Variants in AOPEP observed in about 807,000 individuals in gnomAD.
The protein encoded by AOPEP is aminopeptidase O (putative), also known as aminopeptidase O.
AOPEP carries 77 observed loss-of-function variants against 98.1 expected under a neutral mutation model. The ratio of observed to expected loss-of-function variants is 0.78; its 90% confidence interval spans 0.65 to 0.95. The LOEUF is 0.95. Ranked by LOEUF, AOPEP falls within the 40% of genes least tolerant of loss-of-function variation. The pLI, the probability that AOPEP is intolerant of heterozygous loss-of-function variation, is 0.00. For missense variants in AOPEP, 1,024 were observed against 1,024.7 expected, an observed-to-expected ratio of 1.00 and a Z score of 0.01; for synonymous variants, 346 against 365.3, an observed-to-expected ratio of 0.95 and a Z score of 0.60.
At chr9:95,118,984 C>T in the AOPEP span, among the ~76,000 whole-genome samples, 1 of 152,192 alleles carries the variant, frequency 6.6e-6, no homozygotes, top group African/African-American at 2.4e-5. Context: ...ATCGTAAGGC[C>T]ATATGGTTTT....
rs73654512 is a variant in AOPEP, at chr9:95,086,507, C to T, written c.*5-175C>T. 3.4e-3 allele frequency: 3,376 copies of T among 985,342 alleles called. 91 individuals are homozygous for T. The African/African-American group carries it at 0.054, about 16-fold the overall frequency. The allele number at this position is 985,342 out of a possible 1,614,324, so 61.0% of individuals were successfully genotyped here. ...TCATGGCCACGTGTGAGCAGGCCAG[C>T]GTCACACGGCTCGCTGTGACCCGTC... On this transcript the variant is annotated intron_variant, in intron 16 of 16. Transcript: ENST00000375315.
In AOPEP at chr9:94,759,887, A is replaced by G. The variant is rs1328041549; in HGVS notation, c.104A>G (p.Glu35Gly). 1 of 1,614,172 alleles carries G rather than the reference A, an allele frequency of 6.2e-7. No individual in the cohort carries two copies. Among genetic ancestry groups the G allele is most frequent in the Admixed American group, 1.7e-5 (1 of 60,024 alleles). ...GTACTGGATTTGGATGTGGATTTTG[A>G]AAGTCAAGTCATTGAGGGGACCATA... is the stretch of plus-strand genomic sequence containing the variant. ...HYVLDLDVDFESQVIEGTIVL... is the reference protein window; with the variant it reads ...HYVLDLDVDFGSQVIEGTIVL... Residue 35 changes from glutamate (E) to glycine (G), a missense_variant, in exon 2 of 17, where the codon GAA becomes GGA. Glu to Gly is a moderately conservative substitution (Grantham distance 98, BLOSUM62 -2). Around this residue, in one of 3 missense-constraint regions of AOPEP, gnomAD observed 440 missense variants for 433.8 expected, o/e 1.01. Transcript: ENST00000375315.
the AOPEP span, among the ~76,000 whole-genome samples, chr9:95,105,715 A>C: frequency 2.6e-5 from 4 of 152,108 alleles, no homozygotes; most frequent in Non-Finnish European, 5.9e-5. Flanking sequence ...CAGGTGCCTC[A>C]CCTAAGTGAC....
downstream of AOPEP, among the ~76,000 whole-genome samples, chr9:95,089,297 G>C (rs1283951596): frequency 6.6e-6 from 1 of 152,236 alleles, no homozygotes; most frequent in Non-Finnish European, 1.5e-5. Flanking sequence ...AACTAGCTCA[G>C]ATCAAAGGGC....
chr9:95,005,655 TA>T, intron 13 of AOPEP, 39 bp downstream of exon 13: 1 of 1,550,618 alleles, frequency 6.4e-7, no homozygotes, highest in Non-Finnish European at 8.9e-7. Context: ...CAGGTCTTGG[TA>T]AATCCGCTTC....
chr9:94,951,583 C>T (rs1002133088), intron 7 of AOPEP, among the ~76,000 whole-genome samples: 9 of 152,160 alleles, frequency 5.9e-5, no homozygotes, highest in Non-Finnish European at 8.8e-5. Context: ...AACCAGGAAA[C>T]GTTAGCTGTT....
the AOPEP span, among the ~76,000 whole-genome samples, chr9:95,098,711 T>C: frequency 4.6e-5 from 7 of 152,148 alleles, no homozygotes; most frequent in Non-Finnish European, 1.0e-4. Context: ...GCTATGCTGG[T>C]GGGACGAGGC....
chr9:94,798,570 G>C (rs1253079102), intron 4 of AOPEP, among the ~76,000 whole-genome samples: 2 of 152,146 alleles, frequency 1.3e-5, no homozygotes, highest in Non-Finnish European at 2.9e-5. Flanking sequence ...TATTTAGAGA[G>C]ACCATTAGAA....
At chr9:95,091,797 G>A (rs1243015619), downstream of AOPEP, among the ~76,000 whole-genome samples, 6 of 152,162 alleles carry the variant, frequency 3.9e-5, no homozygotes, top group East Asian at 5.8e-4. Context: ...GCCGGCAGCC[G>A]AGCCTGGGGT....
the AOPEP span, among the ~76,000 whole-genome samples, chr9:95,094,156 G>A: frequency 6.6e-6 from 1 of 152,018 alleles, no homozygotes; most frequent in African/African-American, 2.4e-5. Flanking sequence ...GTGGTTGTTG[G>A]CTGTCGCATC....
the AOPEP span, among the ~76,000 whole-genome samples, chr9:95,141,206 G>A: frequency 6.6e-6 from 1 of 151,420 alleles, no homozygotes; most frequent in Non-Finnish European, 1.5e-5. Flanking sequence ...CAGCCACTCG[G>A]GAGGCTGAGG....
intron 13 of AOPEP, chr9:95,056,583 G>A (rs887805951): frequency 6.6e-6 from 1 of 152,132 alleles, no homozygotes; most frequent in Non-Finnish European, 1.5e-5. Context: ...AGAGTCAGGG[G>A]TTTTTCTTAG....
At chr9:95,010,010 A>C (rs1425789966) in intron 13 of AOPEP, among the ~76,000 whole-genome samples, 2 of 151,972 alleles carry the variant, frequency 1.3e-5, no homozygotes, top group Non-Finnish European at 2.9e-5. Context: ...CTTCTATTTC[A>C]TTTGTTCCTT....
At chr9:95,094,426 G>A in the AOPEP span, among the ~76,000 whole-genome samples, 4 of 152,228 alleles carry the variant, frequency 2.6e-5, no homozygotes, top group African/African-American at 7.2e-5. Context: ...ACCACGATCC[G>A]CCTGCAGAAC....
chr9:94,790,917 C>T (rs1845571146), intron 3 of AOPEP, among the ~76,000 whole-genome samples: 2 of 151,610 alleles, frequency 1.3e-5, no homozygotes, highest in Non-Finnish European at 2.9e-5. Context: ...TGTGTTTAAC[C>T]CTCTAAAACT....
chr9:94,761,822 A>G (rs895993102), intron 2 of AOPEP, among the ~76,000 whole-genome samples: 1 of 152,208 alleles, frequency 6.6e-6, no homozygotes, highest in Admixed American at 6.5e-5. Context: ...CTTATTAGAT[A>G]GTTTTTGGAG....
chr9:94,962,826 G>T (rs2058941684), intron 9 of AOPEP, among the ~76,000 whole-genome samples: 1 of 149,212 alleles, frequency 6.7e-6, no homozygotes, highest in Non-Finnish European at 1.5e-5. Flanking sequence ...TCTGCCTTGT[G>T]GGTTCACGCC....
chr9:94,844,278 A>G (rs1461209800), intron 5 of AOPEP, among the ~76,000 whole-genome samples: 3 of 152,192 alleles, frequency 2.0e-5, no homozygotes, highest in African/African-American at 7.2e-5. Flanking sequence ...CTGGTCACTA[A>G]CTAGTAGTTT....
intron 11 of AOPEP, among the ~76,000 whole-genome samples, chr9:94,981,562 G>A (rs1564478948): frequency 2.0e-5 from 3 of 152,102 alleles, no homozygotes; most frequent in Admixed American, 6.5e-5. Context: ...TGATTTCTGC[G>A]GCTGCTGCTG....
Sources: allele counts gnomAD v4.1 joint callset (sites outside exome capture counted in the v4.1 genomes callset), GRCh38; gene constraint gnomAD v4.1.1; regional missense constraint gnomAD v4.1.1; transcripts MANE v1.5; gene names NCBI Gene and HGNC (gene_info 2026-07-23, HGNC 2026-07-21).